CAMTA1: variants seen among roughly 807,000 people sequenced by gnomAD.
The protein encoded by CAMTA1 is calmodulin-binding transcription activator 1.
A neutral mutation model predicts 170.9 loss-of-function variants in CAMTA1; 27 were observed. The ratio of observed to expected loss-of-function variants is 0.16; its 90% confidence interval spans 0.12 to 0.22. The LOEUF (loss-of-function observed/expected upper bound fraction) is 0.22, where lower values mean the gene tolerates loss of function less well. CAMTA1 is among the 10% of genes least tolerant of loss of function. The pLI is 1.00. For synonymous variants in CAMTA1, 833 were observed against 891.5 expected, an observed-to-expected ratio of 0.93 and a Z score of 1.17; for missense variants, 1,619 against 2,217.2, an observed-to-expected ratio of 0.73 and a Z score of 5.42.
At chr1:7,739,583 C>G (rs1019942623) in intron 16 of CAMTA1, among the ~76,000 whole-genome samples, 1 of 152,130 alleles carries the variant, frequency 6.6e-6, no homozygotes, top group African/African-American at 2.4e-5. Context: ...TTGGGGAGGC[C>G]TCACAATCAT....
At chr1:7,537,048 A>G (rs1348549400) in intron 6 of CAMTA1, among the ~76,000 whole-genome samples, 1 of 152,214 alleles carries the variant, frequency 6.6e-6, no homozygotes, top group Non-Finnish European at 1.5e-5. Context: ...CTGTCCAGTC[A>G]GGTAGCAGCC....
chr1:7,710,738 CTA>C (rs994556764), intron 11 of CAMTA1, among the ~76,000 whole-genome samples: 2 of 151,842 alleles, frequency 1.3e-5, no homozygotes, highest in Non-Finnish European at 2.9e-5. Context: ...CTCTCCTCCT[CTA>C]TGTTAATTTT....
chr1:7,494,780 G>T lies in CAMTA1; in HGVS notation c.510+26879G>T, dbSNP rs924208314. ...GATGGCGCCACTGCACTCCAGCGTG[G>T]GTGACAGATTGAGACCCTGTCTCAA... On this transcript the variant is annotated intron_variant, in intron 6 of 22. Transcript: ENST00000303635. Among the ~76,000 whole-genome samples, 7 of 152,078 alleles carry T rather than the reference G, an allele frequency of 4.6e-5. No individual in the cohort carries two copies. The South Asian group carries it at 1.5e-3, about 32-fold the overall frequency.
At chr1:6,871,529 T>G (rs1278772861) in intron 3 of CAMTA1, among the ~76,000 whole-genome samples, 1 of 152,198 alleles carries the variant, frequency 6.6e-6, no homozygotes, top group Non-Finnish European at 1.5e-5. Context: ...TATCAGCACT[T>G]TTGGTCACTT....
At position 7,635,018 on chromosome 1, in the gene CAMTA1, C is replaced by T. The variant is rs188206924; in HGVS notation, c.511-5382C>T. Among the ~76,000 whole-genome samples the T allele has an allele frequency of 3.3e-4, 51 of 152,306 alleles. No homozygotes were observed. Among genetic ancestry groups the T allele is most frequent in the Non-Finnish European group, 5.9e-5 (4 of 68,022 alleles). On this transcript the variant is annotated intron_variant, in intron 6 of 22. Transcript: ENST00000303635. The surrounding 1 kb of genome is among the most constrained non-coding windows in gnomAD (Gnocchi z 4.4). ...GAACTTCTCTGAGACTTTTACTTATCCTTGGCTTCCTCTACCACCACCACA... is the reference window on the plus strand; with the variant it reads ...GAACTTCTCTGAGACTTTTACTTATTCTTGGCTTCCTCTACCACCACCACA...
chr1:7,173,651 G>A lies in CAMTA1; in HGVS notation c.303-75840G>A, dbSNP rs1650138942. On this transcript the variant is annotated intron_variant, in intron 4 of 22. Coordinates refer to ENST00000303635, the MANE Select transcript of CAMTA1 (RefSeq NM_015215.4). This position sits in a 1 kb window ranked among gnomAD's most constrained non-coding sequence, Gnocchi z 5.4. ...GATCCACCCACCTCAGCCTCCCAAAGTGCTGAGATTACAGGCGTGAGCCAC... is the reference window on the plus strand; with the variant it reads ...GATCCACCCACCTCAGCCTCCCAAAATGCTGAGATTACAGGCGTGAGCCAC... 6.6e-6 allele frequency among the ~76,000 whole-genome samples: 1 copy of A among 152,046 alleles called. No individual in the cohort carries two copies. Among genetic ancestry groups the A allele is most frequent in the South Asian group, 2.1e-4 (1 of 4,816 alleles).
At chr1:6,828,885 A>T (rs77317210) in intron 3 of CAMTA1, among the ~76,000 whole-genome samples, 1,985 of 148,230 alleles carry the variant, frequency 0.013, 45 homozygotes, top group African/African-American at 0.046. Context: ...CTATTCTGTA[A>T]CGTAGTTTTT....
At chr1:6,788,088 G>A (rs1208297607) in intron 1 of CAMTA1, among the ~76,000 whole-genome samples, 3 of 152,164 alleles carry the variant, frequency 2.0e-5, no homozygotes, top group Non-Finnish European at 2.9e-5. Flanking sequence ...TATTCTTCAA[G>A]TTCTTTTCTC....
chr1:7,145,673 C>A (rs538488091), intron 4 of CAMTA1, among the ~76,000 whole-genome samples: 1 of 152,332 alleles, frequency 6.6e-6, no homozygotes, highest in African/African-American at 2.4e-5. Context: ...AGGAGCTGGA[C>A]TCCAGTCTGA....
intron 5 of CAMTA1, among the ~76,000 whole-genome samples, chr1:7,319,547 A>C (rs1250889346): frequency 6.6e-6 from 1 of 152,198 alleles, no homozygotes; most frequent in Admixed American, 6.5e-5. Context: ...ACCGTGAGCC[A>C]ATTAAACCTC....
intron 6 of CAMTA1, among the ~76,000 whole-genome samples, chr1:7,602,950 T>C (rs2095458497): frequency 6.6e-6 from 1 of 152,204 alleles, no homozygotes; most frequent in African/African-American, 2.4e-5. Flanking sequence ...TCAGTTTCCA[T>C]GTAGTTGAGT....
chr1:7,719,501 A>C (rs2149766055), intron 11 of CAMTA1, among the ~76,000 whole-genome samples: 1 of 152,388 alleles, frequency 6.6e-6, no homozygotes, highest in Non-Finnish European at 1.5e-5. Flanking sequence ...GAATTATGAC[A>C]AATGAAGAAG....
At chr1:6,813,900 A>G (rs1263272293) in intron 1 of CAMTA1, among the ~76,000 whole-genome samples, 1 of 152,160 alleles carries the variant, frequency 6.6e-6, no homozygotes. Flanking sequence ...AAAACGACAG[A>G]AGGCTTTTAG....
chr1:7,738,013 A>G lies in CAMTA1; in HGVS notation c.3713A>G (p.Lys1238Arg), dbSNP rs778503877. 6.2e-6 allele frequency: 10 copies of G among 1,614,106 alleles called. No individual in the cohort carries two copies. Among genetic ancestry groups the G allele is most frequent in the Non-Finnish European group, 8.5e-6 (10 of 1,180,006 alleles). ...AATTACTACAGCAGTGAGAGCCACA[A>G]AGATTATCCGGCTCCCAAAAAGCAT... ...PSNYYSSESH[K>R]DYPAPKKHKL... Residue 1238 changes from lysine to arginine, a missense_variant, in exon 16 of 23, where the codon AAA becomes AGA. Transcript: ENST00000303635. This position sits in a 1 kb window ranked among gnomAD's most constrained non-coding sequence, Gnocchi z 4.9.
At chr1:7,500,126 G>A (rs1404635351) in intron 6 of CAMTA1, among the ~76,000 whole-genome samples, 5 of 146,450 alleles carry the variant, frequency 3.4e-5, no homozygotes, top group Middle Eastern at 4.0e-3. Flanking sequence ...CCTGGTGTGC[G>A]TGTGTATGTA....
rs746522147 is a variant in CAMTA1 at position 6,828,286 on chromosome 1, CTT to C, written c.234+3099_234+3100del. 6.5e-4 allele frequency among the ~76,000 whole-genome samples: 45 copies of C among 69,738 alleles called. No individual in the cohort carries two copies. In the South Asian group the frequency reaches 9.2e-3, roughly 14 times the overall value. The allele number at this position is 69,738 out of a possible 152,430, so 45.8% of individuals were successfully genotyped here. On this transcript the variant is annotated intron_variant, in intron 3 of 22. Transcript: ENST00000303635. ...TGAGTGAGATTGTGCTCATTCCATC[CTT>C]TTTTTTTTTTTTTTTTTTTTTTGAG...
In CAMTA1 at chr1:7,463,762, C is replaced by G. The variant is rs1374313490; in HGVS notation, c.439-4068C>G. Among the ~76,000 whole-genome samples, 6 of 152,148 alleles carry G rather than the reference C, an allele frequency of 3.9e-5. No homozygotes were observed. The highest frequency in any genetic ancestry group is 1.4e-4 in the African/African-American group (6 of 41,434). On this transcript the variant is annotated intron_variant, in intron 5 of 22. Coordinates refer to ENST00000303635, the MANE Select transcript of CAMTA1 (RefSeq NM_015215.4). The surrounding 1 kb of genome is among the most constrained non-coding windows in gnomAD (Gnocchi z 4.7). ...AAGGGAGGTGCCCACAACATACCAACCTATAAGTGATGTGCTTCCTTCTTG... is the reference window on the plus strand; with the variant it reads ...AAGGGAGGTGCCCACAACATACCAAGCTATAAGTGATGTGCTTCCTTCTTG...
chr1:7,467,977 G>A, intron 6 of CAMTA1, 76 bp downstream of exon 6: 1 of 1,219,512 alleles, frequency 8.2e-7, no homozygotes, highest in South Asian at 1.3e-5. Flanking sequence ...GAGGGCGCGG[G>A]GCTCCGCATG....
rs1673553430 is a variant in CAMTA1 at position 7,293,998 on chromosome 1, A to T, written c.438+44372A>T. Among the ~76,000 whole-genome samples, 1 of 152,254 alleles carries T rather than the reference A, an allele frequency of 6.6e-6. No individual in the cohort carries two copies. The highest frequency in any genetic ancestry group is 1.9e-4 in the East Asian group (1 of 5,202). ...CATCGGCAGGCATTTTCCCAGGGGA[A>T]GCACAGTTGTGTCCAAAGCCCAGAA... On this transcript the variant is annotated intron_variant, in intron 5 of 22. Transcript: ENST00000303635. The surrounding 1 kb of genome is among the most constrained non-coding windows in gnomAD (Gnocchi z 4.1).
Sources: allele counts gnomAD v4.1 joint callset (sites outside exome capture counted in the v4.1 genomes callset), GRCh38; gene constraint gnomAD v4.1.1; non-coding constraint Gnocchi (gnomAD v3.1); transcripts MANE v1.5; gene names NCBI Gene and HGNC (gene_info 2026-07-23, HGNC 2026-07-21).